MAST4: variants seen among roughly 807,000 people sequenced by gnomAD.
The protein encoded by MAST4 is microtubule associated serine/threonine kinase family member 4, also known as microtubule-associated serine/threonine-protein kinase 4.
A neutral mutation model predicts 162.7 loss-of-function variants in MAST4; 89 were observed. That is an observed-to-expected ratio of 0.55 (90% confidence interval 0.46 to 0.65). MAST4 has a LOEUF of 0.65. Ranked by LOEUF, MAST4 falls within the 30% of genes least tolerant of loss-of-function variation. The pLI is 0.00. For synonymous variants in MAST4, 1,479 were observed against 1,361.1 expected (o/e 1.09, Z -1.91); for missense variants, 3,153 against 3,374.0 (o/e 0.93, Z 1.62).
chr5:66,759,641 T>C (rs1327041515), intron 1 of MAST4, 68 bp from the exon 2 acceptor site: 4 of 1,542,640 alleles, frequency 2.6e-6, no homozygotes, highest in Non-Finnish European at 3.5e-6. Flanking sequence ...AAAGTGTGAA[T>C]GATTGGTCTT....
At chr5:66,632,529 C>G (rs73106447) in intron 1 of MAST4, among the ~76,000 whole-genome samples, 2,279 of 152,162 alleles carry the variant, frequency 0.015, 56 homozygotes, top group African/African-American at 0.052. Flanking sequence ...CATTATTCAC[C>G]CCTACATTTG....
intron 4 of MAST4, among the ~76,000 whole-genome samples, chr5:66,938,339 A>G (rs1169988773): frequency 6.6e-6 from 1 of 152,216 alleles, no homozygotes; most frequent in African/African-American, 2.4e-5. Flanking sequence ...TTTTAGTTAC[A>G]TGGTAATTTT....
chr5:67,082,676 G>A lies in MAST4; in HGVS notation c.764-7486G>A, dbSNP rs1762812654. 3.9e-5 allele frequency among the ~76,000 whole-genome samples: 6 copies of A among 152,206 alleles called. No individual in the cohort carries two copies. The South Asian group carries it at 1.2e-3, about 32-fold the overall frequency. Reference sequence around the variant, plus strand: ...TATCAATATTGTATTTCCTAATTTTGAAAATCAGACTGTGGGCATGTAAGA... The same window carrying A: ...TATCAATATTGTATTTCCTAATTTTAAAAATCAGACTGTGGGCATGTAAGA... On this transcript the variant is annotated intron_variant, in intron 5 of 28. Transcript: ENST00000403625.
At chr5:66,953,553 C>T (rs972273927) in intron 4 of MAST4, among the ~76,000 whole-genome samples, 2 of 152,074 alleles carry the variant, frequency 1.3e-5, no homozygotes, top group Admixed American at 1.3e-4. Flanking sequence ...GTCTGAGGCT[C>T]TGTCTATAAA....
chr5:66,620,087 A>G (rs1203269530), intron 1 of MAST4, among the ~76,000 whole-genome samples: 1 of 148,038 alleles, frequency 6.8e-6, no homozygotes, highest in Non-Finnish European at 1.5e-5. Flanking sequence ...GGAAAGGGAT[A>G]GTACTTAAAA....
chr5:67,068,484 A>G (rs1468377765), intron 5 of MAST4, among the ~76,000 whole-genome samples: 2 of 152,142 alleles, frequency 1.3e-5, no homozygotes, highest in Non-Finnish European at 2.9e-5. Context: ...CTATCACGAG[A>G]ATAGCATGGG....
chr5:66,868,337 T>A (rs1302633258), intron 3 of MAST4, among the ~76,000 whole-genome samples: 1 of 151,956 alleles, frequency 6.6e-6, no homozygotes, highest in African/African-American at 2.4e-5. Context: ...TCTCAAAGGT[T>A]CCCCTCTTGG....
At chr5:66,802,342 A>G (rs1755962196) in intron 3 of MAST4, among the ~76,000 whole-genome samples, 1 of 152,184 alleles carries the variant, frequency 6.6e-6, no homozygotes, top group Non-Finnish European at 1.5e-5. Flanking sequence ...AGAACATAAA[A>G]CATTTTAATA....
intron 27 of MAST4, among the ~76,000 whole-genome samples, chr5:67,161,527 T>A (rs1773182918): frequency 6.6e-6 from 1 of 152,212 alleles, no homozygotes; most frequent in Non-Finnish European, 1.5e-5. Context: ...TTATCATCTT[T>A]CATAGTAGAA....
intron 1 of MAST4, among the ~76,000 whole-genome samples, chr5:66,647,471 A>C (rs10515017): frequency 0.71 from 108,003 of 151,912 alleles, 40,265 homozygotes; most frequent in African/African-American, 0.92. Context: ...ATAATGTATA[A>C]AGGAGGTTCA....
chr5:66,981,193 T>C (rs1748772861), intron 4 of MAST4, among the ~76,000 whole-genome samples: 3 of 382 alleles, frequency 7.9e-3, no homozygotes, highest in African/African-American at 0.015. Context: ...AGCCTCCAAG[T>C]GGGATTTTTT....
intron 25 of MAST4, among the ~76,000 whole-genome samples, 179 bp downstream of exon 25, chr5:67,153,045 G>C (rs752138346): frequency 6.6e-6 from 1 of 152,220 alleles, no homozygotes; most frequent in Admixed American, 6.5e-5. Context: ...TAGCAAAAAC[G>C]AATATCTCAT....
At chr5:66,965,523 C>T (rs1356100733) in intron 4 of MAST4, among the ~76,000 whole-genome samples, 2 of 125,866 alleles carry the variant, frequency 1.6e-5, no homozygotes, top group Non-Finnish European at 3.1e-5. Context: ...TTTTAGGGAA[C>T]TGGTTGCGTT....
At chr5:66,749,847 G>A (rs971480360) in intron 1 of MAST4, among the ~76,000 whole-genome samples, 3 of 152,154 alleles carry the variant, frequency 2.0e-5, no homozygotes, top group Admixed American at 6.5e-5. Context: ...AGTATGAAAC[G>A]AATAATGAGT....
intron 3 of MAST4, among the ~76,000 whole-genome samples, chr5:66,800,342 T>C (rs1439689998): frequency 6.6e-6 from 1 of 152,194 alleles, no homozygotes; most frequent in South Asian, 2.1e-4. Flanking sequence ...TGCAGATACA[T>C]CATGGAATAT....
intron 1 of MAST4, among the ~76,000 whole-genome samples, chr5:66,645,828 G>A (rs1745796380): frequency 6.6e-6 from 1 of 152,138 alleles, no homozygotes; most frequent in Non-Finnish European, 1.5e-5. Context: ...AAAACTTTTT[G>A]TCCTTCAAAT....
intron 4 of MAST4, among the ~76,000 whole-genome samples, chr5:66,927,690 T>G (rs1765004573): frequency 6.6e-6 from 1 of 152,242 alleles, no homozygotes; most frequent in Admixed American, 6.5e-5. Flanking sequence ...AGCAATGTAC[T>G]GGACCCAGGA....
At chr5:67,133,413 A>G (rs1451351078) in intron 16 of MAST4, 101 bp from the exon 17 acceptor site, 28 of 1,301,618 alleles carry the variant, frequency 2.2e-5, no homozygotes, top group Non-Finnish European at 2.7e-5. Context: ...TGATGCCCAT[A>G]TATTAAATAG....
chr5:66,993,920 A>ACCCCCCCCCCCCCCCCCCCC (rs55759396), intron 4 of MAST4, among the ~76,000 whole-genome samples: 2 of 57,688 alleles, frequency 3.5e-5, no homozygotes, highest in Non-Finnish European at 6.8e-5. Context: ...TGTGCAGAAG[A>ACCCCCCCCCCCCCCCCCCCC]CCCCCCCCCC....
Sources: gnomAD v4.1 joint callset for allele counts (sites outside exome capture counted in the v4.1 genomes callset) on GRCh38, gnomAD v4.1.1 for gene constraint, MANE v1.5 for transcripts, NCBI Gene and HGNC (gene_info 2026-07-23, HGNC 2026-07-21) for gene names.